The following EYA1 variants were observed in gnomAD, a reference collection of about 807,000 sequenced individuals.
The protein encoded by EYA1 is protein phosphatase EYA1.
Under a neutral mutation model 82.0 loss-of-function variants are expected in EYA1, and 16 were observed. The observed-to-expected ratio is 0.20, with a 90% CI of 0.13 to 0.30. The LOEUF (loss-of-function observed/expected upper bound fraction) is 0.30, where lower values mean the gene tolerates loss of function less well. EYA1 is among the 10% of genes least tolerant of loss of function. EYA1 has a pLI of 1.00. For missense variants in EYA1, 633 were observed against 730.7 expected, an observed-to-expected ratio of 0.87 and a Z score of 1.54; for synonymous variants, 261 against 264.4, an observed-to-expected ratio of 0.99 and a Z score of 0.12.
upstream of EYA1, among the ~76,000 whole-genome samples, chr8:71,366,872 C>A (rs570919944): frequency 6.6e-6 from 1 of 151,962 alleles, no homozygotes; most frequent in Non-Finnish European, 1.5e-5. Flanking sequence ...AAGGTGATAG[C>A]CCATAAAGTT....
chr8:71,225,055 A>C, intron 12 of EYA1: 1 of 306,842 alleles, frequency 3.3e-6, no homozygotes, highest in South Asian at 2.8e-5. Flanking sequence ...CCCTCTGTCC[A>C]TGAATTAGTA....
intron 2 of EYA1, among the ~76,000 whole-genome samples, chr8:71,512,383 T>C (rs1343648096): frequency 6.7e-6 from 1 of 150,346 alleles, no homozygotes; most frequent in Non-Finnish European, 1.5e-5. Context: ...AATCAAAGAC[T>C]ACATGATTTC....
chr8:71,416,622 C>T (rs1830866750), intron 2 of EYA1, among the ~76,000 whole-genome samples: 1 of 152,190 alleles, frequency 6.6e-6, no homozygotes, highest in South Asian at 2.1e-4. Context: ...AGGTGATCCT[C>T]ATCCATTCCC....
At chr8:71,470,230 TA>T (rs1304911333) in intron 2 of EYA1, among the ~76,000 whole-genome samples, 2 of 152,104 alleles carry the variant, frequency 1.3e-5, no homozygotes, top group Non-Finnish European at 2.9e-5. Flanking sequence ...AGTAGGATTT[TA>T]AAGAATAAAG....
intron 2 of EYA1, among the ~76,000 whole-genome samples, chr8:71,518,128 A>G (rs554232025): frequency 6.6e-6 from 1 of 152,252 alleles, no homozygotes; most frequent in South Asian, 2.1e-4. Context: ...GCATTGTACA[A>G]TCATAGAGGA....
At chr8:71,458,244 A>T (rs1359126044) in intron 2 of EYA1, among the ~76,000 whole-genome samples, 2 of 152,146 alleles carry the variant, frequency 1.3e-5, no homozygotes, top group African/African-American at 4.8e-5. Context: ...TAAAACTCTG[A>T]CTTATATAGT....
chr8:71,277,835 C>T (rs937075245), intron 9 of EYA1, among the ~76,000 whole-genome samples: 2 of 152,022 alleles, frequency 1.3e-5, no homozygotes. Context: ...ATTATTTCTA[C>T]AAGACAGCAA....
intron 10 of EYA1, 137 bp downstream of exon 10, chr8:71,271,621 A>T: frequency 1.1e-6 from 1 of 917,180 alleles, no homozygotes; most frequent in Non-Finnish European, 1.8e-6. Context: ...TACTTTATCT[A>T]TTGTTAATAT....
At chr8:71,536,008 T>C (rs114269275) in intron 1 of EYA1, among the ~76,000 whole-genome samples, 1 of 152,346 alleles carries the variant, frequency 6.6e-6, no homozygotes, top group African/African-American at 2.4e-5. Context: ...ATGGGCTCAC[T>C]GTTTATCACA....
intron 2 of EYA1, among the ~76,000 whole-genome samples, chr8:71,421,032 G>GA (rs1831120251): frequency 6.6e-6 from 1 of 152,108 alleles, no homozygotes; most frequent in Non-Finnish European, 1.5e-5. Context: ...AAACATCACA[G>GA]AACTAACACA....
chr8:71,533,861 C>T (rs983270462), intron 2 of EYA1, among the ~76,000 whole-genome samples: 1 of 152,150 alleles, frequency 6.6e-6, no homozygotes, highest in East Asian at 1.9e-4. Context: ...TTGTTCTGTA[C>T]CTCTGAGATA....
At chr8:71,456,287 G>A (rs1344568021) in intron 2 of EYA1, among the ~76,000 whole-genome samples, 3 of 152,212 alleles carry the variant, frequency 2.0e-5, no homozygotes, top group Admixed American at 6.5e-5. Context: ...AACATTCCAT[G>A]CTCATGGATA....
At chr8:71,506,071 T>C (rs887712471) in intron 2 of EYA1, among the ~76,000 whole-genome samples, 5 of 152,208 alleles carry the variant, frequency 3.3e-5, no homozygotes, top group Non-Finnish European at 5.9e-5. Flanking sequence ...CCCGGCCATG[T>C]GGAACTGTGA....
Position 71,199,400 on chromosome 8 carries a change from C to A in EYA1, c.1719G>T (p.Arg573Ser). 6.2e-7 allele frequency: 1 copy of A among 1,613,064 alleles called. No homozygotes were observed. ...CCATGAGGTCCGAGTGGCTGGAGAT[C>A]CTCCAGAAGGGCATCGCGTGCTGCA... ...GAKKHAMPFW[R>S]ISSHSDLMAL... The change falls in exon 18 of 18, where the codon AGG becomes AGT. Residue 573 changes from arginine (R) to serine (S), a missense_variant. Arg to Ser is a moderately radical substitution (Grantham distance 110). Coordinates refer to ENST00000340726, the MANE Select transcript of EYA1 (RefSeq NM_000503.6).
chr8:71,479,702 AATTC>A (rs1276606337), intron 2 of EYA1, among the ~76,000 whole-genome samples: 4 of 115,506 alleles, frequency 3.5e-5, no homozygotes, highest in African/African-American at 1.3e-4. Flanking sequence ...TCACAGCTAT[AATTC>A]TATGGCCCAA....
chr8:71,243,202 C>T (rs764951665), intron 12 of EYA1, among the ~76,000 whole-genome samples: 2 of 152,064 alleles, frequency 1.3e-5, no homozygotes, highest in Non-Finnish European at 2.9e-5. Flanking sequence ...GTACCCAGGA[C>T]AAAAAATCAG....
chr8:71,414,064 C>A (rs1206295196), intron 2 of EYA1, among the ~76,000 whole-genome samples: 2 of 152,146 alleles, frequency 1.3e-5, no homozygotes, highest in East Asian at 1.9e-4. Flanking sequence ...GCAAGGCAAC[C>A]TCCAGGAAGC....
At chr8:71,443,840 T>C (rs139784366) in intron 2 of EYA1, among the ~76,000 whole-genome samples, 3 of 152,226 alleles carry the variant, frequency 2.0e-5, no homozygotes, top group Admixed American at 6.5e-5. Flanking sequence ...TTTGCCCTTA[T>C]GCAAAACAGA....
chr8:71,390,358 C>A (rs1287349140), intron 2 of EYA1, among the ~76,000 whole-genome samples: 3 of 151,714 alleles, frequency 2.0e-5, no homozygotes, highest in African/African-American at 7.3e-5. Flanking sequence ...GAACTCCTGG[C>A]CTCAAGTGAT....
Sources: allele counts gnomAD v4.1 joint callset (sites outside exome capture counted in the v4.1 genomes callset), GRCh38; gene constraint gnomAD v4.1.1; transcripts MANE v1.5; gene names NCBI Gene and HGNC (gene_info 2026-07-23, HGNC 2026-07-21).